Variants in SDK1 observed in about 807,000 individuals in gnomAD.
The protein encoded by SDK1 is protein sidekick-1.
SDK1 carries 157 observed loss-of-function variants against 245.5 expected under a neutral mutation model. That is an observed-to-expected ratio of 0.64 (90% CI 0.56 to 0.73). SDK1 has a LOEUF of 0.73. SDK1 is among the 30% of genes least tolerant of loss of function. SDK1 has a pLI of 0.00. For missense variants in SDK1, 3,583 were observed against 3,002.3 expected (o/e 1.19, Z -4.52); for synonymous variants, 1,647 against 1,278.5 (o/e 1.29, Z -6.15).
chr7:3,510,052 T>A (rs1782528766), intron 1 of SDK1, among the ~76,000 whole-genome samples: 1 of 152,194 alleles, frequency 6.6e-6, no homozygotes. Flanking sequence ...AACCATTGAC[T>A]TAGAACTGGG....
intron 1 of SDK1, among the ~76,000 whole-genome samples, chr7:3,528,777 G>C (rs971153478): frequency 1.3e-5 from 2 of 152,012 alleles, no homozygotes; most frequent in Non-Finnish European, 2.9e-5. Flanking sequence ...ATTTTGCCCT[G>C]AGCAATGGGG....
chr7:4,025,275 A>G (rs1787249371), intron 17 of SDK1, among the ~76,000 whole-genome samples: 1 of 152,202 alleles, frequency 6.6e-6, no homozygotes, highest in African/African-American at 2.4e-5. Context: ...CTTTCGGAAA[A>G]AGCTTCCGCC....
intron 1 of SDK1, among the ~76,000 whole-genome samples, chr7:3,404,787 G>A (rs1170668095): frequency 1.3e-5 from 2 of 152,176 alleles, no homozygotes; most frequent in African/African-American, 4.8e-5. Flanking sequence ...TTTAACAGAT[G>A]TGTTTTGGTT....
chr7:3,514,876 G>A (rs770803862), intron 1 of SDK1, among the ~76,000 whole-genome samples: 11 of 152,134 alleles, frequency 7.2e-5, no homozygotes, highest in Non-Finnish European at 1.3e-4. Context: ...ATGCGTGCAT[G>A]CGTGCGCTCT....
intron 4 of SDK1, among the ~76,000 whole-genome samples, chr7:3,792,292 C>T (rs1781122368): frequency 6.6e-6 from 1 of 152,106 alleles, no homozygotes. Flanking sequence ...ACCCCTTCAC[C>T]CCTTCACCAC....
At chr7:3,400,650 A>C (rs1167697430) in intron 1 of SDK1, among the ~76,000 whole-genome samples, 2 of 152,190 alleles carry the variant, frequency 1.3e-5, no homozygotes, top group Non-Finnish European at 2.9e-5. Context: ...GGCAGACCAA[A>C]GGATGGGAGT....
intron 4 of SDK1, among the ~76,000 whole-genome samples, chr7:3,750,597 G>A (rs1779746339): frequency 6.6e-6 from 1 of 152,238 alleles, no homozygotes; most frequent in African/African-American, 2.4e-5. Flanking sequence ...TAGCCAAGGA[G>A]TAGTGTGGGG....
chr7:3,429,156 A>G (rs187505457), intron 1 of SDK1, among the ~76,000 whole-genome samples: 7 of 152,346 alleles, frequency 4.6e-5, no homozygotes, highest in African/African-American at 1.7e-4. Context: ...AAAATTGTTC[A>G]GGGTACAAGA....
intron 1 of SDK1, among the ~76,000 whole-genome samples, chr7:3,390,485 C>T (rs991011077): frequency 6.6e-6 from 1 of 152,056 alleles, no homozygotes; most frequent in Non-Finnish European, 1.5e-5. Flanking sequence ...TAGTGTCACC[C>T]CAGAAAAGTT....
chr7:3,718,188 A>T (rs1785258527), intron 4 of SDK1, among the ~76,000 whole-genome samples: 1 of 152,164 alleles, frequency 6.6e-6, no homozygotes, highest in Non-Finnish European at 1.5e-5. Flanking sequence ...CCATTGACAC[A>T]GAAAAAGCGT....
intron 4 of SDK1, among the ~76,000 whole-genome samples, chr7:3,788,663 G>T (rs1166752893): frequency 3.3e-5 from 5 of 152,108 alleles, no homozygotes; most frequent in African/African-American, 1.2e-4. Context: ...TGGCTGATGT[G>T]CTAGGAAAAA....
Position 3,925,762 on chromosome 7 carries a change from A to G in SDK1, c.848-25161A>G, listed in dbSNP as rs115074587. On this transcript the variant is annotated intron_variant, in intron 5 of 44. Coordinates refer to ENST00000404826, the MANE Select transcript of SDK1 (RefSeq NM_152744.4). ...TGAGTTAATGATCTGCTGCAGAAGG[A>G]CTTGGCAGGTGCGTGCTCCAGCCGG... Among the ~76,000 whole-genome samples the G allele has an allele frequency of 3.9e-3, 594 of 152,280 alleles. 3 individuals are homozygous for G. The highest frequency in any genetic ancestry group is 0.014 in the African/African-American group (563 of 41,560).
chr7:3,654,419 C>G (rs1007458153), intron 4 of SDK1, among the ~76,000 whole-genome samples: 1 of 152,126 alleles, frequency 6.6e-6, no homozygotes, highest in Admixed American at 6.5e-5. Flanking sequence ...CCGTGCAGAG[C>G]GAGAGGTGGA....
At chr7:3,733,440 T>C (rs1044825777) in intron 4 of SDK1, among the ~76,000 whole-genome samples, 1 of 152,206 alleles carries the variant, frequency 6.6e-6, no homozygotes, top group African/African-American at 2.4e-5. Context: ...GAATGCTGTC[T>C]TTGCTTTAAC....
chr7:4,067,439 A>G (rs1205684110), intron 19 of SDK1, among the ~76,000 whole-genome samples: 1 of 152,142 alleles, frequency 6.6e-6, no homozygotes, highest in East Asian at 1.9e-4. Flanking sequence ...GGTTTGCACA[A>G]GGTTACAGAT....
intron 27 of SDK1, among the ~76,000 whole-genome samples, chr7:4,131,987 G>A (rs1254684727): frequency 6.6e-6 from 1 of 152,150 alleles, no homozygotes; most frequent in South Asian, 2.1e-4. Flanking sequence ...TCAACCTGAT[G>A]TTTGCTCTCA....
At position 4,266,595 on chromosome 7, in the gene SDK1, ATTGT is replaced by A; in HGVS notation, c.*1215_*1218del. ...TTTCTTTTTTTTATTTAAAATTGTCATTGTTTGGTTTAAATTTTTCAGCTAGATG... is the reference window on the plus strand; with the variant it reads ...TTTCTTTTTTTTATTTAAAATTGTCATTGGTTTAAATTTTTCAGCTAGATG... On this transcript the variant is annotated 3_prime_UTR_variant, in exon 45 of 45. Coordinates refer to ENST00000404826, the MANE Select transcript of SDK1 (RefSeq NM_152744.4). The A allele has an allele frequency of 5.1e-6, 5 of 985,186 alleles. No homozygotes were observed. The highest frequency in any genetic ancestry group is 6.0e-6 in the Non-Finnish European group (5 of 829,832). 61.0% of individuals were successfully genotyped at this position (985,186 alleles called of 1,614,324 possible).
intron 12 of SDK1, among the ~76,000 whole-genome samples, chr7:3,972,270 G>T (rs572353077): frequency 6.5e-4 from 99 of 152,032 alleles, no homozygotes; most frequent in Non-Finnish European, 1.1e-3. Context: ...TAGTAGAGAC[G>T]GCGTTTCACC....
At chr7:4,138,432 G>A (rs750497953) in intron 28 of SDK1, among the ~76,000 whole-genome samples, 1 of 152,124 alleles carries the variant, frequency 6.6e-6, no homozygotes, top group Non-Finnish European at 1.5e-5. Flanking sequence ...GGTTTGTTGA[G>A]TACTCATATG....
Sources: allele counts gnomAD v4.1 joint callset (sites outside exome capture counted in the v4.1 genomes callset), GRCh38; gene constraint gnomAD v4.1.1; transcripts MANE v1.5; gene names NCBI Gene and HGNC (gene_info 2026-07-23, HGNC 2026-07-21).